The following PPARGC1A variants were observed in gnomAD, a reference collection of about 807,000 sequenced individuals.
PPARGC1A encodes the protein PPARG coactivator 1 alpha.
Under a neutral mutation model 88.7 loss-of-function variants are expected in PPARGC1A, and 25 were observed. The observed-to-expected ratio is 0.28, with a 90% confidence interval of 0.21 to 0.39. The LOEUF is 0.39. PPARGC1A is among the 10% of genes least tolerant of loss of function. PPARGC1A has a pLI of 1.00. For missense variants in PPARGC1A, 880 were observed against 968.7 expected, an observed-to-expected ratio of 0.91 and a Z score of 1.22; for synonymous variants, 363 against 355.6, an observed-to-expected ratio of 1.02 and a Z score of -0.24.
chr4:24,360,442 T>G, the PPARGC1A span, among the ~76,000 whole-genome samples: 2 of 152,112 alleles, frequency 1.3e-5, no homozygotes, highest in African/African-American at 2.4e-5. Context: ...CACTCCCTCA[T>G]CCTGTCTTTC....
At chr4:24,294,080 A>G in the PPARGC1A span, among the ~76,000 whole-genome samples, 1 of 152,164 alleles carries the variant, frequency 6.6e-6, no homozygotes, top group Non-Finnish European at 1.5e-5. Flanking sequence ...ACACACAGCT[A>G]CTGAAGTAGT....
At chr4:24,140,109 C>A in the PPARGC1A span, among the ~76,000 whole-genome samples, 386 of 152,270 alleles carry the variant, frequency 2.5e-3, 1 homozygote, top group African/African-American at 8.9e-3. Context: ...CAAAACCCGC[C>A]TTTGATGTCT....
At chr4:23,862,147 T>TA in intron 2 of PPARGC1A, among the ~76,000 whole-genome samples, 1 of 152,300 alleles carries the variant, frequency 6.6e-6, no homozygotes, top group South Asian at 2.1e-4. Flanking sequence ...CTGTGGTCAG[T>TA]AGGGCATGAA....
the PPARGC1A span, among the ~76,000 whole-genome samples, chr4:24,104,244 T>C: frequency 2.6e-5 from 4 of 152,158 alleles, no homozygotes; most frequent in Non-Finnish European, 5.9e-5. Context: ...CGGGTGGCTA[T>C]AGGGGTTTAT....
At chr4:23,842,533 T>G (rs567192209) in intron 2 of PPARGC1A, among the ~76,000 whole-genome samples, 2 of 152,236 alleles carry the variant, frequency 1.3e-5, no homozygotes, top group African/African-American at 4.8e-5. Flanking sequence ...TCTCTAGATA[T>G]GAGTTTCTGG....
At chr4:24,278,470 G>A in the PPARGC1A span, among the ~76,000 whole-genome samples, 1 of 152,230 alleles carries the variant, frequency 6.6e-6, no homozygotes, top group East Asian at 1.9e-4. Flanking sequence ...TAGGTACTGG[G>A]AATTTGTCCA....
chr4:23,883,399 T>A (rs1716318107), intron 2 of PPARGC1A: 2 of 152,224 alleles, frequency 1.3e-5, no homozygotes, highest in Non-Finnish European at 2.9e-5. Context: ...TTTAAATATA[T>A]TGAGCAAAGA....
At chr4:24,321,107 T>G in the PPARGC1A span, among the ~76,000 whole-genome samples, 2 of 152,192 alleles carry the variant, frequency 1.3e-5, no homozygotes, top group African/African-American at 2.4e-5. Context: ...ATTTCTCTGC[T>G]AAGTCATCCT....
chr4:24,022,285 A>G, the PPARGC1A span, among the ~76,000 whole-genome samples: 1 of 151,810 alleles, frequency 6.6e-6, no homozygotes, highest in Non-Finnish European at 1.5e-5. Context: ...GTCAGTCTCT[A>G]TCACTGGACC....
chr4:24,048,968 A>T, the PPARGC1A span, among the ~76,000 whole-genome samples: 13 of 152,136 alleles, frequency 8.5e-5, no homozygotes, highest in South Asian at 6.2e-4. Context: ...TCTACTTTGC[A>T]CATGTCTTTA....
chr4:24,055,518 A>C, the PPARGC1A span, among the ~76,000 whole-genome samples: 1 of 152,266 alleles, frequency 6.6e-6, no homozygotes, highest in Non-Finnish European at 1.5e-5. Flanking sequence ...GCATTTATGT[A>C]TAAGAACCCA....
the PPARGC1A span, among the ~76,000 whole-genome samples, chr4:24,320,774 T>A: frequency 6.6e-6 from 1 of 152,214 alleles, no homozygotes; most frequent in Non-Finnish European, 1.5e-5. Flanking sequence ...CAGATTCGAT[T>A]CACGAGAAAC....
chr4:24,240,932 C>G, the PPARGC1A span, among the ~76,000 whole-genome samples: 2 of 152,126 alleles, frequency 1.3e-5, no homozygotes, highest in Admixed American at 1.3e-4. Flanking sequence ...CTGAGACAGT[C>G]ACATCCCCCT....
At chr4:24,029,588 A>G in the PPARGC1A span, among the ~76,000 whole-genome samples, 1 of 152,198 alleles carries the variant, frequency 6.6e-6, no homozygotes, top group Non-Finnish European at 1.5e-5. Flanking sequence ...TCTTAGAGGA[A>G]GGGTTAAATG....
chr4:24,056,731 C>CA, the PPARGC1A span, among the ~76,000 whole-genome samples: 1 of 152,080 alleles, frequency 6.6e-6, no homozygotes, highest in African/African-American at 2.4e-5. Flanking sequence ...TGTTGTGAGG[C>CA]ATATAGCGTA....
At chr4:24,101,177 CT>C in the PPARGC1A span, among the ~76,000 whole-genome samples, 1 of 152,180 alleles carries the variant, frequency 6.6e-6, no homozygotes, top group Admixed American at 6.5e-5. Context: ...CACCATCCCC[CT>C]AGTGCTGTCT....
At chr4:24,181,553 C>G in the PPARGC1A span, among the ~76,000 whole-genome samples, 9 of 152,198 alleles carry the variant, frequency 5.9e-5, no homozygotes, top group African/African-American at 2.2e-4. Context: ...GAGGTCTGTA[C>G]TGGGTGCCAC....
At chr4:24,021,090 T>C in the PPARGC1A span, among the ~76,000 whole-genome samples, 5 of 152,194 alleles carry the variant, frequency 3.3e-5, no homozygotes, top group African/African-American at 1.2e-4. Flanking sequence ...CACCAAAATG[T>C]GTTGGCCTTG....
At chr4:24,205,213 A>T in the PPARGC1A span, among the ~76,000 whole-genome samples, 1 of 152,140 alleles carries the variant, frequency 6.6e-6, no homozygotes, top group Non-Finnish European at 1.5e-5. Context: ...TAAGGTGGGC[A>T]CCCTGTATAT....
Sources: gnomAD v4.1 joint callset for allele counts (sites outside exome capture counted in the v4.1 genomes callset) on GRCh38, gnomAD v4.1.1 for gene constraint, MANE v1.5 for transcripts, NCBI Gene and HGNC (gene_info 2026-07-23, HGNC 2026-07-21) for gene names.